The following MRPL50 variants were observed in gnomAD, a reference collection of about 807,000 sequenced individuals.
MRPL50 encodes large ribosomal subunit protein mL50.
Under a neutral mutation model 16.2 loss-of-function variants are expected in MRPL50, and 10 were observed. That is an observed-to-expected ratio of 0.62 (90% CI 0.38 to 1.05). The LOEUF is 1.05. Ranked by LOEUF, MRPL50 falls within the 50% of genes least tolerant of loss-of-function variation. MRPL50 has a pLI of 0.01. For synonymous variants in MRPL50, 68 were observed against 66.8 expected (o/e 1.02, Z -0.09); for missense variants, 213 against 187.1 (o/e 1.14, Z -0.81).
intron 1 of MRPL50, among the ~76,000 whole-genome samples, chr9:101,395,259 A>T (rs1289690296): frequency 6.6e-6 from 1 of 152,224 alleles, no homozygotes; most frequent in Non-Finnish European, 1.5e-5. Flanking sequence ...TATTTAAAAG[A>T]CAAAAAATAA....
At chr9:101,395,044 A>T (rs921437728) in intron 1 of MRPL50, among the ~76,000 whole-genome samples, 24 of 152,196 alleles carry the variant, frequency 1.6e-4, no homozygotes, top group African/African-American at 5.8e-4. Context: ...AGGGATTAAT[A>T]ACCAGAATAT....
chr9:101,391,414 T>G (rs1488007927), intron 1 of MRPL50, among the ~76,000 whole-genome samples: 1 of 152,132 alleles, frequency 6.6e-6, no homozygotes, highest in Admixed American at 6.6e-5. Context: ...CAGTTTATAC[T>G]GCTCTCAGAG....
In MRPL50 at chr9:101,388,128, G is replaced by C. The variant is rs1183023479; in HGVS notation, c.*2338C>G. ...AAAACATAATCAGCTTTTGAAGCAT[G>C]CAGAAGCTCAGGACCTACTCCAGAC... On this transcript the variant is annotated 3_prime_UTR_variant, in exon 2 of 2. Transcript: ENST00000374865. 2 of 152,040 alleles carry C rather than the reference G, an allele frequency of 1.3e-5. No individual in the cohort carries two copies. Among genetic ancestry groups the C allele is most frequent in the African/African-American group, 4.8e-5 (2 of 41,400 alleles). The allele number at this position is 152,040 out of a possible 1,614,324, so 9.4% of individuals were successfully genotyped here. A position where few individuals can be genotyped will look rare whatever the true frequency, so the allele number is the denominator to read the frequency against.
In MRPL50 at chr9:101,394,227, T is replaced by C. The variant is rs184252300; in HGVS notation, c.93-3377A>G. Among the ~76,000 whole-genome samples the C allele has an allele frequency of 3.6e-3, 542 of 152,306 alleles. 8 individuals are homozygous for C. Among genetic ancestry groups the C allele is most frequent in the African/African-American group, 0.013 (522 of 41,568 alleles). The stretch of plus-strand genomic sequence containing the variant: ...AAATTAGCTACAAGATTAGAAATTA[T>C]GGTTAGGGGTCATTCAGACTCCGGC... On this transcript the variant is annotated intron_variant, in intron 1 of 1. Coordinates refer to ENST00000374865, the MANE Select transcript of MRPL50 (RefSeq NM_019051.3).
chr9:101,395,555 C>T (rs1830328232), intron 1 of MRPL50, among the ~76,000 whole-genome samples: 1 of 152,030 alleles, frequency 6.6e-6, no homozygotes, highest in Non-Finnish European at 1.5e-5. Context: ...AAAAACCGTA[C>T]ATATACTCAA....
At chr9:101,397,688 G>A (rs1414792651) in intron 1 of MRPL50, among the ~76,000 whole-genome samples, 1 of 152,194 alleles carries the variant, frequency 6.6e-6, no homozygotes, top group Non-Finnish European at 1.5e-5. Flanking sequence ...GACCAAAGAA[G>A]AGGGAAAGCT....
At chr9:101,397,705 T>C (rs1194466496) in intron 1 of MRPL50, among the ~76,000 whole-genome samples, 2 of 152,230 alleles carry the variant, frequency 1.3e-5, no homozygotes, top group Non-Finnish European at 2.9e-5. Flanking sequence ...AGCTAATATC[T>C]GAACTGATGA....
chr9:101,398,582 C>CG lies in MRPL50; in HGVS notation c.10dup (p.Arg4ProfsTer21), dbSNP rs747201115. Reference sequence around the variant, plus strand: ...TCTTCTGGTAATGCCCGACACAGATCGCGCCGCCATCTTCGATGAGATCCA... The same window carrying CG: ...TCTTCTGGTAATGCCCGACACAGATCGGCGCCGCCATCTTCGATGAGATCCA... On this transcript the variant is annotated frameshift_variant, in exon 1 of 2. Coordinates refer to ENST00000374865, the MANE Select transcript of MRPL50 (RefSeq NM_019051.3). LOFTEE classifies it high-confidence loss of function. The CG allele has an allele frequency of 6.2e-7, 1 of 1,613,762 alleles. No individual in the cohort carries two copies. Among genetic ancestry groups the CG allele is most frequent in the Admixed American group, 1.7e-5 (1 of 60,028 alleles).
Position 101,388,815 on chromosome 9 carries a change from A to C in MRPL50, c.*1651T>G, listed in dbSNP as rs1830233352. 6.6e-6 allele frequency: 1 copy of C among 152,170 alleles called. No individual in the cohort carries two copies. The highest frequency in any genetic ancestry group is 2.4e-5 in the African/African-American group (1 of 41,442). The allele number at this position is 152,170 out of a possible 1,614,324, so 9.4% of individuals were successfully genotyped here. A position where few individuals can be genotyped will look rare whatever the true frequency, so the allele number is the denominator to read the frequency against. ...GGGAAAAAAAGATGACTGCATCTGT[A>C]CTGAATATGTATACTTTTTTTCCTT... On this transcript the variant is annotated 3_prime_UTR_variant, in exon 2 of 2. Coordinates refer to ENST00000374865, the MANE Select transcript of MRPL50 (RefSeq NM_019051.3).
At position 101,389,560 on chromosome 9, in the gene MRPL50, G is replaced by T; in HGVS notation, c.*906C>A. On this transcript the variant is annotated 3_prime_UTR_variant, in exon 2 of 2. Transcript: ENST00000374865. ...CACTTTTCTTTAGGAATTGTCAGCA[G>T]TCAGAACAATATAAGACATTCCTTC... 1 of 992,130 alleles carries T rather than the reference G, an allele frequency of 1.0e-6. No individual in the cohort carries two copies. The highest frequency in any genetic ancestry group is 1.4e-6 in the Non-Finnish European group (1 of 727,090). 61.5% of individuals were successfully genotyped at this position (992,130 alleles called of 1,614,324 possible).
Position 101,388,090 on chromosome 9 carries a change from G to A in MRPL50, c.*2376C>T, listed in dbSNP as rs1830223708. 1 of 152,036 alleles carries A rather than the reference G, an allele frequency of 6.6e-6. No individual in the cohort carries two copies. The highest frequency in any genetic ancestry group is 2.4e-5 in the African/African-American group (1 of 41,388). 9.4% of individuals were successfully genotyped at this position (152,036 alleles called of 1,614,324 possible). On this transcript the variant is annotated 3_prime_UTR_variant, in exon 2 of 2. Coordinates refer to ENST00000374865, the MANE Select transcript of MRPL50 (RefSeq NM_019051.3). ...TCTCCCACCTCAATACCAGCATCTA[G>A]ATCCATGTTCTCAAAACATAATCAG...
chr9:101,398,081 C>A (rs1830385784), intron 1 of MRPL50, among the ~76,000 whole-genome samples: 1 of 152,094 alleles, frequency 6.6e-6, no homozygotes, highest in South Asian at 2.1e-4. Context: ...TGTTGAATGA[C>A]TGAATGAATG....
chr9:101,394,746 T>G (rs1189604913), intron 1 of MRPL50, among the ~76,000 whole-genome samples: 5 of 151,870 alleles, frequency 3.3e-5, no homozygotes, highest in Admixed American at 3.3e-4. Context: ...GGGCAACGAC[T>G]TCTTGAGTAA....
intron 1 of MRPL50, among the ~76,000 whole-genome samples, chr9:101,398,230 CCTG>C (rs1454301295): frequency 6.6e-6 from 1 of 152,128 alleles, no homozygotes; most frequent in Non-Finnish European, 1.5e-5. Context: ...CGAGGTTAAT[CCTG>C]CTTGCTTAAT....
intron 1 of MRPL50, among the ~76,000 whole-genome samples, chr9:101,395,887 T>C (rs527764609): frequency 6.6e-6 from 1 of 152,276 alleles, no homozygotes; most frequent in East Asian, 1.9e-4. Context: ...ATTTCACAAT[T>C]GGGTGACTAT....
intron 1 of MRPL50, 147 bp from the exon 2 acceptor site, chr9:101,390,997 C>T: frequency 3.6e-6 from 3 of 843,772 alleles, no homozygotes; most frequent in South Asian, 1.9e-5. Flanking sequence ...TAGGCCCCTG[C>T]CCTTAGAACG....
intron 1 of MRPL50, among the ~76,000 whole-genome samples, chr9:101,392,115 C>T (rs546315302): frequency 4.0e-5 from 6 of 151,772 alleles, no homozygotes; most frequent in African/African-American, 1.4e-4. Flanking sequence ...CGTCTTGAAG[C>T]AATAAAAATG....
intron 1 of MRPL50, among the ~76,000 whole-genome samples, chr9:101,394,573 C>G (rs1367076349): frequency 6.6e-6 from 1 of 152,188 alleles, no homozygotes; most frequent in Admixed American, 6.5e-5. Context: ...AATAAAACTC[C>G]AGTATCCTCA....
At position 101,388,622 on chromosome 9, in the gene MRPL50, T is replaced by C. The variant is rs1002924800; in HGVS notation, c.*1844A>G. On this transcript the variant is annotated 3_prime_UTR_variant, in exon 2 of 2. Coordinates refer to ENST00000374865, the MANE Select transcript of MRPL50 (RefSeq NM_019051.3). ...AAAACTAAAGGCCATTATTCTGATA[T>C]AGTCACTGTATTGAGCTATAAACCA... 1.8e-4 allele frequency: 23 copies of C among 124,940 alleles called. No homozygotes were observed. The highest frequency in any genetic ancestry group is 5.1e-4 in the African/African-American group (17 of 33,156). 7.7% of individuals were successfully genotyped at this position (124,940 alleles called of 1,614,324 possible). A position where few individuals can be genotyped will look rare whatever the true frequency, so the allele number is the denominator to read the frequency against.
Sources: gnomAD v4.1 joint callset for allele counts (sites outside exome capture counted in the v4.1 genomes callset) on GRCh38, gnomAD v4.1.1 for gene constraint, MANE v1.5 for transcripts, NCBI Gene and HGNC (gene_info 2026-07-23, HGNC 2026-07-21) for gene names.